Variants in PPP6R1 observed in about 807,000 individuals in gnomAD.
PPP6R1 encodes the protein serine/threonine-protein phosphatase 6 regulatory subunit 1.
A neutral mutation model predicts 104.6 loss-of-function variants in PPP6R1; 39 were observed. That is an observed-to-expected ratio of 0.37 (90% CI 0.29 to 0.49). The LOEUF (loss-of-function observed/expected upper bound fraction) is 0.49, where lower values mean the gene tolerates loss of function less well. Ranked by LOEUF, PPP6R1 falls within the 20% of genes least tolerant of loss-of-function variation. The pLI is 0.98. For missense variants in PPP6R1, 1,181 were observed against 1,155.8 expected (o/e 1.02, Z -0.32); for synonymous variants, 549 against 479.0 (o/e 1.15, Z -1.91).
intron 2 of PPP6R1, 43 bp downstream of exon 2, chr19:55,246,834 T>G (rs1328699986): frequency 6.8e-7 from 1 of 1,473,186 alleles, no homozygotes; most frequent in South Asian, 1.3e-5. Context: ...AAGGTATGTG[T>G]GATGCTGATA....
At chr19:55,232,320 G>T (rs996119478) in intron 17 of PPP6R1, 109 bp from the exon 18 acceptor site, 10 of 1,438,880 alleles carry the variant, frequency 6.9e-6, no homozygotes, top group Non-Finnish European at 9.1e-6. Flanking sequence ...TGGGATGACA[G>T]GCAGGTCACA....
At chr19:55,250,169 C>A (rs964862250) in intron 1 of PPP6R1, among the ~76,000 whole-genome samples, 1 of 152,214 alleles carries the variant, frequency 6.6e-6, no homozygotes, top group Non-Finnish European at 1.5e-5. Flanking sequence ...CCACTGCGCT[C>A]CAGCACCTGC....
At chr19:55,242,124 G>A (rs2087463918) in intron 7 of PPP6R1, 42 bp downstream of exon 7, 2 of 1,567,114 alleles carry the variant, frequency 1.3e-6, no homozygotes, top group Non-Finnish European at 1.7e-6. Context: ...GAGAGCCCCT[G>A]GGGATGGGCA....
intron 5 of PPP6R1, among the ~76,000 whole-genome samples, chr19:55,242,937 T>C (rs1458107547): frequency 6.6e-6 from 1 of 151,928 alleles, no homozygotes; most frequent in Non-Finnish European, 1.5e-5. Context: ...TGATTCCAAT[T>C]ATATGAAATG....
Position 55,240,133 on chromosome 19 carries a change from G to A in PPP6R1, c.1362-19C>T, listed in dbSNP as rs117025271. ...CGCACACCTGGCAAGAGTGAAGGCC[G>A]CGGCTGCAAGCCAGGACTGGACCCA... On this transcript the variant is annotated intron_variant, in intron 11 of 23. Transcript: ENST00000412770. The A allele has an allele frequency of 1.1e-3, 1,736 of 1,564,954 alleles. 24 individuals carry two copies. The East Asian group carries it at 0.037, about 34-fold the overall frequency.
At chr19:55,246,755 T>C (rs1220973834) in intron 2 of PPP6R1, 122 bp downstream of exon 2, 5 of 999,806 alleles carry the variant, frequency 5.0e-6, no homozygotes, top group Non-Finnish European at 7.2e-6. Context: ...CAGCCTCGTC[T>C]TCCTCATCCC....
Position 55,240,259 on chromosome 19 carries a change from G to T in PPP6R1, c.1338C>A (p.Ser446=). Residue 446 remains serine, a synonymous_variant, in exon 11 of 24, where the codon TCC becomes TCA. Transcript: ENST00000412770. Reference sequence around the variant, plus strand: ...ACTGTACACGGTCGTTCTCCTCCCAGGACGTCAGGATCCGCTCCACCAGGC... The same window carrying T: ...ACTGTACACGGTCGTTCTCCTCCCATGACGTCAGGATCCGCTCCACCAGGC... ...QCRLVERILT[S]WEENDRVQCA... is the part of the protein sequence containing the mutation. The T allele has an allele frequency of 6.3e-7, 1 of 1,594,756 alleles. No homozygotes were observed. Among genetic ancestry groups the T allele is most frequent in the East Asian group, 2.3e-5 (1 of 43,674 alleles).
rs578011383 is a variant in PPP6R1 at position 55,234,052 on chromosome 19, C to T, written c.1989-1841G>A. 1.1e-4 allele frequency among the ~76,000 whole-genome samples: 16 copies of T among 152,258 alleles called. No individual in the cohort carries two copies. In the South Asian group the frequency reaches 2.1e-3, roughly 20 times the overall value. The stretch of plus-strand genomic sequence containing the variant: ...GCAACCTCTGCCTGCCAGGTTCAAG[C>T]GATATTCCTGCCTCAGCCTCCTGAG... On this transcript the variant is annotated intron_variant, in intron 17 of 23. Coordinates refer to ENST00000412770, the MANE Select transcript of PPP6R1 (RefSeq NM_014931.4).
At chr19:55,249,728 C>T (rs2087538416) in intron 1 of PPP6R1, among the ~76,000 whole-genome samples, 1 of 152,122 alleles carries the variant, frequency 6.6e-6, no homozygotes. Context: ...ATAGTCCCAG[C>T]TACTCGGGAG....
At chr19:55,228,468 A>G (rs1183530387), downstream of PPP6R1, 17 of 1,605,762 alleles carry the variant, frequency 1.1e-5, no homozygotes, top group Non-Finnish European at 1.4e-5. Context: ...CTGAGCCGAA[A>G]CCCAGCCCAG....
In PPP6R1 at chr19:55,232,058, A is replaced by G. The variant is rs752781573; in HGVS notation, c.2125+17T>C. Reference sequence around the variant, plus strand: ...GACAGCCCTGTGTACACCTGACCACACCGCCCATTCATTCACCTGGAGGCT... The same window carrying G: ...GACAGCCCTGTGTACACCTGACCACGCCGCCCATTCATTCACCTGGAGGCT... On this transcript the variant is annotated intron_variant, in intron 18 of 23. Coordinates refer to ENST00000412770, the MANE Select transcript of PPP6R1 (RefSeq NM_014931.4). 2.8e-5 allele frequency: 45 copies of G among 1,611,952 alleles called. No homozygotes were observed. In the South Asian group the frequency reaches 4.3e-4, roughly 15 times the overall value.
At chr19:55,228,705 G>C (rs767446949), downstream of PPP6R1, 1 of 1,613,216 alleles carries the variant, frequency 6.2e-7, no homozygotes, top group South Asian at 1.1e-5. Context: ...GCTGAGCAGT[G>C]AGTCTTCAGG....
intron 5 of PPP6R1, 150 bp from the exon 6 acceptor site, chr19:55,242,638 G>T: frequency 1.5e-6 from 1 of 668,746 alleles, no homozygotes; most frequent in Non-Finnish European, 2.7e-6. Flanking sequence ...AGGGCACAGA[G>T]GCACCAACTG....
At chr19:55,250,063 G>T (rs1010709411) in intron 1 of PPP6R1, among the ~76,000 whole-genome samples, 1 of 152,168 alleles carries the variant, frequency 6.6e-6, no homozygotes, top group Non-Finnish European at 1.5e-5. Context: ...TGCACAGCCC[G>T]TGGCTGCCTG....
In PPP6R1 at chr19:55,245,157, C is replaced by A; in HGVS notation, c.581G>T (p.Arg194Leu). The change falls in exon 5 of 24, where the codon CGG becomes CTG. Residue 194 changes from arginine (R) to leucine (L), a missense_variant. Arg to Leu is a moderately radical substitution (Grantham distance 102). This residue lies in a region of PPP6R1 where 1,042 missense variants were observed against 955.6 expected (regional missense o/e 1.09). Transcript: ENST00000412770. The surrounding 1 kb of genome is among the most constrained non-coding windows in gnomAD (Gnocchi z 6.4). The stretch of plus-strand genomic sequence containing the variant: ...CGACGGGTGGATCTGCTCAATCAGC[C>A]GCTGGACGATCTTCTCCTCGTTGAG... ...NWLNEEKIVQRLIEQIHPSKD... is the reference protein window; with the variant it reads ...NWLNEEKIVQLLIEQIHPSKD... 1 of 1,613,472 alleles carries A rather than the reference C, an allele frequency of 6.2e-7. No individual in the cohort carries two copies. Among genetic ancestry groups the A allele is most frequent in the African/African-American group, 1.3e-5 (1 of 75,034 alleles).
chr19:55,230,567 C>T (rs1159170912), intron 23 of PPP6R1, 36 bp from the exon 24 acceptor site: 3 of 1,613,462 alleles, frequency 1.9e-6, no homozygotes, highest in Non-Finnish European at 2.5e-6. Flanking sequence ...GAGGGTCTAG[C>T]AGGCCCAGCC....
At position 55,245,427 on chromosome 19, in the gene PPP6R1, G is replaced by A. The variant is rs1029869878; in HGVS notation, c.415-25C>T. 6.2e-7 allele frequency: 1 copy of A among 1,612,854 alleles called. No homozygotes were observed. The highest frequency in any genetic ancestry group is 8.5e-7 in the Non-Finnish European group (1 of 1,179,562). ...GCTGGGGGCACACGGGCTGCGTCAT[G>A]CACAGGGCCTGGCCCAGCCACCACC... On this transcript the variant is annotated intron_variant, in intron 3 of 23. Coordinates refer to ENST00000412770, the MANE Select transcript of PPP6R1 (RefSeq NM_014931.4). The surrounding 1 kb of genome is among the most constrained non-coding windows in gnomAD (Gnocchi z 6.4).
chr19:55,230,367 G>T lies in PPP6R1; in HGVS notation c.*161C>A. On this transcript the variant is annotated 3_prime_UTR_variant, in exon 24 of 24. Coordinates refer to ENST00000412770, the MANE Select transcript of PPP6R1 (RefSeq NM_014931.4). ...CTCAGTGCAAATGGGGGTGGGTTGGGCCTGTCTCCCTGGCACCAGCCTCCT... is the reference window on the plus strand; with the variant it reads ...CTCAGTGCAAATGGGGGTGGGTTGGTCCTGTCTCCCTGGCACCAGCCTCCT... 1 of 1,079,166 alleles carries T rather than the reference G, an allele frequency of 9.3e-7. No individual in the cohort carries two copies. The highest frequency in any genetic ancestry group is 1.3e-6 in the Non-Finnish European group (1 of 748,480). 66.8% of individuals were successfully genotyped at this position (1,079,166 alleles called of 1,614,324 possible).
At chr19:55,248,889 C>A (rs186726346) in intron 1 of PPP6R1, among the ~76,000 whole-genome samples, 1 of 152,218 alleles carries the variant, frequency 6.6e-6, no homozygotes, top group African/African-American at 2.4e-5. Flanking sequence ...GAAGCCAGGC[C>A]AGCCTGGGGC....
Sources: allele counts gnomAD v4.1 joint callset (sites outside exome capture counted in the v4.1 genomes callset), GRCh38; gene constraint gnomAD v4.1.1; regional missense constraint gnomAD v4.1.1; non-coding constraint Gnocchi (gnomAD v3.1); transcripts MANE v1.5; gene names NCBI Gene and HGNC (gene_info 2026-07-23, HGNC 2026-07-21).